The following ARHGAP26 variants were observed in gnomAD, a reference collection of about 807,000 sequenced individuals.
ARHGAP26 encodes the protein rho GTPase-activating protein 26.
ARHGAP26 carries 38 observed loss-of-function variants against 104.8 expected under a neutral mutation model. The ratio of observed to expected loss-of-function variants is 0.36; its 90% confidence interval spans 0.28 to 0.48. ARHGAP26 has a LOEUF of 0.48. Among genes scored for constraint, ARHGAP26 ranks in the 20% least tolerant of loss-of-function variants. The pLI is 0.99. For missense variants in ARHGAP26, 704 were observed against 947.9 expected (o/e 0.74, Z 3.38); for synonymous variants, 341 against 340.0 (o/e 1.00, Z -0.03).
chr5:143,058,399 A>G (rs993073126), intron 17 of ARHGAP26, among the ~76,000 whole-genome samples: 20 of 152,176 alleles, frequency 1.3e-4, no homozygotes, highest in Admixed American at 1.2e-3. Context: ...TAGGGACCTG[A>G]TTTTCTTGGA....
At chr5:143,011,254 A>G (rs1262839340) in intron 11 of ARHGAP26, among the ~76,000 whole-genome samples, 4 of 148,844 alleles carry the variant, frequency 2.7e-5, no homozygotes, top group African/African-American at 1.0e-4. Context: ...CGCAAACGTC[A>G]TCTCTTCCGA....
intron 20 of ARHGAP26, among the ~76,000 whole-genome samples, chr5:143,157,608 T>C (rs1800652014): frequency 6.6e-6 from 1 of 152,218 alleles, no homozygotes; most frequent in South Asian, 2.1e-4. Context: ...CTCTTAAGCC[T>C]CTTGAAAGAG....
chr5:143,145,690 A>C (rs1367073822), intron 19 of ARHGAP26, among the ~76,000 whole-genome samples: 1 of 152,208 alleles, frequency 6.6e-6, no homozygotes, highest in African/African-American at 2.4e-5. Context: ...AGCTCTTAAA[A>C]TATGAACAGT....
intron 10 of ARHGAP26, among the ~76,000 whole-genome samples, chr5:142,916,088 G>T (rs971163708): frequency 2.0e-5 from 3 of 152,146 alleles, no homozygotes; most frequent in African/African-American, 7.2e-5. Context: ...AGAGGGGATG[G>T]TTATATTTAA....
At chr5:143,050,329 C>T (rs1270018235) in intron 14 of ARHGAP26, among the ~76,000 whole-genome samples, 3 of 151,778 alleles carry the variant, frequency 2.0e-5, no homozygotes, top group Non-Finnish European at 4.4e-5. Flanking sequence ...GTCCTGTAAC[C>T]TTTTTTGTTC....
intron 13 of ARHGAP26, among the ~76,000 whole-genome samples, chr5:143,038,578 G>A (rs10045391): frequency 0.11 from 17,391 of 151,834 alleles, 1,383 homozygotes; most frequent in South Asian, 0.28. Context: ...AATCAGAAAC[G>A]GGCCAAATGT....
At chr5:142,891,503 CTTAT>C (rs1199064316) in intron 5 of ARHGAP26, among the ~76,000 whole-genome samples, 1 of 151,930 alleles carries the variant, frequency 6.6e-6, no homozygotes, top group Non-Finnish European at 1.5e-5. Context: ...TCTTAACTTA[CTTAT>C]TTGACTAATG....
rs1044336185 is a variant in ARHGAP26 at position 143,225,807 on chromosome 5, C to T, written c.*3361C>T. The T allele has an allele frequency of 6.1e-5, 14 of 229,494 alleles. No homozygotes were observed. Among genetic ancestry groups the T allele is most frequent in the East Asian group, 3.7e-4 (6 of 16,132 alleles). 14.2% of individuals were successfully genotyped at this position (229,494 alleles called of 1,614,324 possible). ...CCTCCCCAGCTTCCCTGTGGCTGTG[C>T]GGTGCCCTTGACAGATGGCTTCTCT... On this transcript the variant is annotated 3_prime_UTR_variant, in exon 23 of 23. Coordinates refer to ENST00000645722, the MANE Select transcript of ARHGAP26 (RefSeq NM_001135608.3).
chr5:143,081,975 G>A (rs929416572), intron 17 of ARHGAP26, among the ~76,000 whole-genome samples: 45 of 136,866 alleles, frequency 3.3e-4, no homozygotes, highest in African/African-American at 1.2e-3. Flanking sequence ...GCGCCACTGC[G>A]CTCCAGCCTG....
chr5:143,181,477 A>G (rs1474240410), intron 20 of ARHGAP26, among the ~76,000 whole-genome samples: 3 of 152,130 alleles, frequency 2.0e-5, no homozygotes, highest in Non-Finnish European at 4.4e-5. Context: ...ACTTGATGGG[A>G]GAACTCTCGC....
intron 14 of ARHGAP26, among the ~76,000 whole-genome samples, chr5:143,044,019 G>A (rs1273789034): frequency 1.3e-5 from 2 of 152,178 alleles, no homozygotes; most frequent in East Asian, 3.8e-4. Context: ...TTTTAAAGCT[G>A]AATAGCTAAG....
Position 143,223,394 on chromosome 5 carries a change from A to G in ARHGAP26, c.*948A>G. The G allele has an allele frequency of 4.3e-6, 1 of 232,582 alleles. No individual in the cohort carries two copies. The highest frequency in any genetic ancestry group is 8.5e-6 in the Non-Finnish European group (1 of 117,364). 14.4% of individuals were successfully genotyped at this position (232,582 alleles called of 1,614,324 possible). On this transcript the variant is annotated 3_prime_UTR_variant, in exon 23 of 23. Coordinates refer to ENST00000645722, the MANE Select transcript of ARHGAP26 (RefSeq NM_001135608.3). ...TCGGAATATATTTGGAGCACACCCT[A>G]GTAACCTCTTGAGATTAAATTACAT...
At chr5:143,079,298 C>T (rs376139816) in intron 17 of ARHGAP26, among the ~76,000 whole-genome samples, 2 of 152,204 alleles carry the variant, frequency 1.3e-5, no homozygotes, top group African/African-American at 4.8e-5. Context: ...GTGAAGTAAG[C>T]GCTTTCTCCT....
intron 20 of ARHGAP26, among the ~76,000 whole-genome samples, chr5:143,151,792 C>T (rs1048054688): frequency 6.6e-6 from 1 of 152,060 alleles, no homozygotes; most frequent in Admixed American, 6.6e-5. Context: ...CCCATCTCTA[C>T]TAAAAATGCA....
intron 9 of ARHGAP26, among the ~76,000 whole-genome samples, chr5:142,911,605 C>G (rs1761848129): frequency 1.3e-5 from 2 of 152,196 alleles, no homozygotes; most frequent in Admixed American, 6.5e-5. Flanking sequence ...AACAGACCAT[C>G]TTTATAGATT....
chr5:143,095,813 C>T (rs973335796), intron 17 of ARHGAP26, among the ~76,000 whole-genome samples: 1 of 152,208 alleles, frequency 6.6e-6, no homozygotes, highest in African/African-American at 2.4e-5. Flanking sequence ...CTCAGGTGAT[C>T]CACCTGCCTC....
chr5:143,061,862 A>G (rs115077265), intron 17 of ARHGAP26, among the ~76,000 whole-genome samples: 2,100 of 152,242 alleles, frequency 0.014, 48 homozygotes, highest in African/African-American at 0.048. Flanking sequence ...AAAAGGCATT[A>G]TTTCTTCTCT....
At chr5:143,184,343 C>G (rs1182702131) in intron 20 of ARHGAP26, among the ~76,000 whole-genome samples, 2 of 152,140 alleles carry the variant, frequency 1.3e-5, no homozygotes, top group Non-Finnish European at 2.9e-5. Flanking sequence ...CCTTTTGTCT[C>G]TCCCGTAAAA....
chr5:143,105,422 T>TAA (rs1322554255), intron 17 of ARHGAP26, among the ~76,000 whole-genome samples: 10 of 150,792 alleles, frequency 6.6e-5, no homozygotes, highest in East Asian at 5.8e-4. Context: ...AATAAATAAA[T>TAA]ATAAAAATAG....
Sources: gnomAD v4.1 joint callset for allele counts (sites outside exome capture counted in the v4.1 genomes callset) on GRCh38, gnomAD v4.1.1 for gene constraint, MANE v1.5 for transcripts, NCBI Gene and HGNC (gene_info 2026-07-23, HGNC 2026-07-21) for gene names.